The following IPO11 variants were observed in gnomAD, a reference collection of about 807,000 sequenced individuals.
IPO11 encodes the protein importin-11.
A neutral mutation model predicts 143.2 loss-of-function variants in IPO11; 66 were observed. The observed-to-expected ratio is 0.46, with a 90% CI of 0.38 to 0.57. The LOEUF is 0.57. IPO11 is among the 20% of genes least tolerant of loss of function. IPO11 has a pLI of 0.00. For missense variants in IPO11, 1,026 were observed against 1,141.0 expected (o/e 0.90, Z 1.45); for synonymous variants, 385 against 377.8 (o/e 1.02, Z -0.22).
At chr5:62,525,764 T>C (rs920948292) in intron 20 of IPO11, among the ~76,000 whole-genome samples, 4 of 152,212 alleles carry the variant, frequency 2.6e-5, no homozygotes, top group African/African-American at 7.2e-5. Context: ...ACATTTAGGG[T>C]GGGTTCATTT....
intron 16 of IPO11, among the ~76,000 whole-genome samples, chr5:62,494,619 T>G (rs1200778974): frequency 6.6e-6 from 1 of 152,118 alleles, no homozygotes; most frequent in African/African-American, 2.4e-5. Context: ...TCTTCATTGC[T>G]TTTTCCCCCT....
chr5:62,489,407 T>C, intron 14 of IPO11, 58 bp downstream of exon 14: 1 of 1,250,680 alleles, frequency 8.0e-7, no homozygotes, highest in East Asian at 2.6e-5. Flanking sequence ...GGAGAGTCTG[T>C]TTTGTGGTAG....
Position 62,627,921 on chromosome 5 carries a change from C to G in IPO11, c.*603C>G, listed in dbSNP as rs1746641762. The G allele has an allele frequency of 6.6e-6, 1 of 152,200 alleles. No homozygotes were observed. The highest frequency in any genetic ancestry group is 1.5e-5 in the Non-Finnish European group (1 of 68,020). 9.4% of individuals were successfully genotyped at this position (152,200 alleles called of 1,614,324 possible). On this transcript the variant is annotated 3_prime_UTR_variant, in exon 30 of 30. Coordinates refer to ENST00000325324, the MANE Select transcript of IPO11 (RefSeq NM_016338.5). ...TTATTTTCATTCTAATAATTTGATACAGAAATTAGTAAAGGCATTTTTTTC... is the reference window on the plus strand; with the variant it reads ...TTATTTTCATTCTAATAATTTGATAGAGAAATTAGTAAAGGCATTTTTTTC...
chr5:62,595,622 C>T (rs1745186295), intron 28 of IPO11, among the ~76,000 whole-genome samples: 1 of 151,864 alleles, frequency 6.6e-6, no homozygotes, highest in African/African-American at 2.4e-5. Flanking sequence ...TCAACAGTTG[C>T]CTATTAACGT....
intron 27 of IPO11, among the ~76,000 whole-genome samples, chr5:62,570,849 C>T (rs989696516): frequency 3.9e-5 from 6 of 152,146 alleles, no homozygotes; most frequent in African/African-American, 1.4e-4. Flanking sequence ...AAACATATCA[C>T]CTAAGAAAAA....
intron 24 of IPO11, 129 bp from the exon 25 acceptor site, chr5:62,550,238 C>A: frequency 1.7e-6 from 1 of 582,002 alleles, no homozygotes; most frequent in Non-Finnish European, 3.1e-6. Flanking sequence ...ATATTGCATA[C>A]CCTGCATACG....
At chr5:62,508,162 T>TC (rs1030879809) in intron 19 of IPO11, among the ~76,000 whole-genome samples, 2 of 151,994 alleles carry the variant, frequency 1.3e-5, no homozygotes, top group Non-Finnish European at 2.9e-5. Context: ...AGTCTTGCTC[T>TC]CCCCCCCGGG....
chr5:62,618,201 A>C (rs1284278522), intron 29 of IPO11, among the ~76,000 whole-genome samples: 20 of 152,168 alleles, frequency 1.3e-4, no homozygotes, highest in Admixed American at 1.3e-3. Context: ...AGGTTGAGAG[A>C]AATATTGGTT....
chr5:62,537,399 T>C, intron 24 of IPO11, 110 bp downstream of exon 24: 2 of 701,652 alleles, frequency 2.9e-6, no homozygotes, highest in Non-Finnish European at 4.8e-6. Context: ...GATATAGTTC[T>C]AGACAGGCTA....
intron 25 of IPO11, 63 bp downstream of exon 25, chr5:62,550,525 C>T: frequency 1.9e-6 from 2 of 1,034,836 alleles, no homozygotes; most frequent in Non-Finnish European, 1.4e-6. Flanking sequence ...TTTAATTACT[C>T]TGTTAGATAC....
chr5:62,575,374 A>G (rs1026263357), intron 27 of IPO11, among the ~76,000 whole-genome samples: 4 of 152,318 alleles, frequency 2.6e-5, no homozygotes, highest in Middle Eastern at 3.4e-3. Flanking sequence ...TGTATTTGCC[A>G]TGGTCTCTTA....
At chr5:62,508,167 C>G (rs541355484) in intron 19 of IPO11, among the ~76,000 whole-genome samples, 12 of 152,262 alleles carry the variant, frequency 7.9e-5, no homozygotes, top group African/African-American at 2.2e-4. Flanking sequence ...TGCTCTCCCC[C>G]CCGGGCTGGA....
chr5:62,602,290 T>G (rs765328264), intron 29 of IPO11, among the ~76,000 whole-genome samples: 1 of 151,962 alleles, frequency 6.6e-6, no homozygotes, highest in Non-Finnish European at 1.5e-5. Flanking sequence ...TAAAAACCAC[T>G]AATTCTCACC....
At chr5:62,470,637 A>G (rs60001470) in intron 7 of IPO11, among the ~76,000 whole-genome samples, 2,493 of 151,994 alleles carry the variant, frequency 0.016, 64 homozygotes, top group African/African-American at 0.058. Flanking sequence ...TTTTTTATAT[A>G]CTTAATATTT....
At position 62,443,093 on chromosome 5, in the gene IPO11, AT is replaced by A; in HGVS notation, c.239+11del. 1 of 1,532,108 alleles carries A rather than the reference AT, an allele frequency of 6.5e-7. No individual in the cohort carries two copies. Among genetic ancestry groups the A allele is most frequent in the Non-Finnish European group, 9.0e-7 (1 of 1,111,076 alleles). 94.9% of individuals were successfully genotyped at this position (1,532,108 alleles called of 1,614,324 possible). ...GACGTGTAGCACCTCAGTAAGTTCC[AT>A]CACTTCCCCTATTCCTTGAGTATAA... On this transcript the variant is annotated intron_variant, in intron 3 of 29. Transcript: ENST00000325324.
intron 27 of IPO11, among the ~76,000 whole-genome samples, chr5:62,575,680 G>A (rs544403930): frequency 2.0e-5 from 3 of 152,212 alleles, no homozygotes; most frequent in East Asian, 1.9e-4. Flanking sequence ...TAAGTGATGT[G>A]TCCCTCTTGG....
chr5:62,586,768 A>AAAAAAAATATATATAT (rs1554057003), intron 27 of IPO11, among the ~76,000 whole-genome samples: 4 of 28,906 alleles, frequency 1.4e-4, no homozygotes, highest in African/African-American at 5.3e-4. Context: ...AAAAAAAAAA[A>AAAAAAAATATATATAT]ATATATATAT....
intron 27 of IPO11, among the ~76,000 whole-genome samples, chr5:62,591,327 G>A (rs1259489306): frequency 6.6e-6 from 1 of 151,872 alleles, no homozygotes; most frequent in African/African-American, 2.4e-5. Flanking sequence ...ATAAATCTAA[G>A]AATATTAAAA....
intron 29 of IPO11, among the ~76,000 whole-genome samples, chr5:62,604,683 GTTAC>G (rs1745637394): frequency 1.3e-5 from 2 of 152,150 alleles, no homozygotes; most frequent in Admixed American, 1.3e-4. Context: ...CCGATTTTAA[GTTAC>G]TTACTACAGT....
Sources: allele counts gnomAD v4.1 joint callset (sites outside exome capture counted in the v4.1 genomes callset), GRCh38; gene constraint gnomAD v4.1.1; transcripts MANE v1.5; gene names NCBI Gene and HGNC (gene_info 2026-07-23, HGNC 2026-07-21).